Variants in ABCC1 observed in about 807,000 individuals in gnomAD.
ABCC1 encodes the protein ATP binding cassette subfamily C member 1 (ABCC1 blood group).
ABCC1 carries 83 observed loss-of-function variants against 172.9 expected under a neutral mutation model. The ratio of observed to expected loss-of-function variants is 0.48; its 90% CI spans 0.40 to 0.58. ABCC1 has a LOEUF of 0.58. ABCC1 is among the 20% of genes least tolerant of loss of function. The pLI is 0.00. For synonymous variants in ABCC1, 937 were observed against 825.2 expected (o/e 1.14, Z -2.32); for missense variants, 1,817 against 2,002.7 (o/e 0.91, Z 1.77).
At chr16:16,101,758 G>A (rs540148472) in intron 19 of ABCC1, among the ~76,000 whole-genome samples, 1 of 152,298 alleles carries the variant, frequency 6.6e-6, no homozygotes, top group South Asian at 2.1e-4. Flanking sequence ...GATCTGTGTT[G>A]ACACGACACA....
chr16:16,103,579 C>G (rs2051882815), intron 20 of ABCC1, among the ~76,000 whole-genome samples: 1 of 151,860 alleles, frequency 6.6e-6, no homozygotes, highest in Non-Finnish European at 1.5e-5. Context: ...GACTCCATCT[C>G]AAAAAACAAA....
intron 29 of ABCC1, among the ~76,000 whole-genome samples, chr16:16,136,989 C>A (rs1016465465): frequency 6.6e-6 from 1 of 152,156 alleles, no homozygotes; most frequent in African/African-American, 2.4e-5. Flanking sequence ...TGCACTACCC[C>A]AGCTGTCTTG....
At chr16:16,045,395 CAAA>C (rs34870561) in intron 8 of ABCC1, among the ~76,000 whole-genome samples, 3 of 64,702 alleles carry the variant, frequency 4.6e-5, no homozygotes, top group Non-Finnish European at 8.8e-5. Flanking sequence ...GACTTTGTCT[CAAA>C]AAAAAAAAAA....
At chr16:15,961,215 G>A (rs2046123519) in intron 1 of ABCC1, among the ~76,000 whole-genome samples, 1 of 152,140 alleles carries the variant, frequency 6.6e-6, no homozygotes, top group East Asian at 1.9e-4. Flanking sequence ...AACCTTAACT[G>A]AAACGTTTGT....
chr16:16,057,810 C>G (rs1162244715), intron 12 of ABCC1, among the ~76,000 whole-genome samples: 1 of 152,092 alleles, frequency 6.6e-6, no homozygotes, highest in Non-Finnish European at 1.5e-5. Context: ...GGGTCTCGCT[C>G]TGTCCCCCAG....
chr16:16,125,969 G>A, intron 26 of ABCC1, 58 bp downstream of exon 26: 2 of 1,354,792 alleles, frequency 1.5e-6, no homozygotes, highest in Non-Finnish European at 2.1e-6. Flanking sequence ...ACCCCAAGGA[G>A]ATCTCTGGAC....
intron 11 of ABCC1, among the ~76,000 whole-genome samples, chr16:16,054,966 A>G (rs1196142939): frequency 1.3e-5 from 2 of 152,328 alleles, no homozygotes; most frequent in African/African-American, 2.4e-5. Flanking sequence ...ACAGGGGCTC[A>G]TGTCTGTAAT....
intron 17 of ABCC1, among the ~76,000 whole-genome samples, chr16:16,084,658 C>A (rs1280751944): frequency 6.7e-6 from 1 of 148,446 alleles, no homozygotes; most frequent in Non-Finnish European, 1.5e-5. Context: ...TGGAGTCTCT[C>A]TCTGTCGCCC....
chr16:16,113,414 G>C (rs2044709179), intron 22 of ABCC1, among the ~76,000 whole-genome samples: 1 of 152,206 alleles, frequency 6.6e-6, no homozygotes, highest in Non-Finnish European at 1.5e-5. Flanking sequence ...CCAACACTTT[G>C]AGAGGCCAAG....
intron 5 of ABCC1, among the ~76,000 whole-genome samples, chr16:16,021,581 G>C (rs1597129880): frequency 6.6e-6 from 1 of 152,164 alleles, no homozygotes; most frequent in African/African-American, 2.4e-5. Flanking sequence ...GCTGGGCATG[G>C]TGTTGAGCAC....
intron 1 of ABCC1, among the ~76,000 whole-genome samples, chr16:15,956,970 G>A (rs1022068604): frequency 6.6e-6 from 1 of 152,116 alleles, no homozygotes; most frequent in Non-Finnish European, 1.5e-5. Flanking sequence ...GCTTTTGGGC[G>A]GTGTCGAAAC....
chr16:15,975,940 G>A (rs1469245800), intron 1 of ABCC1, among the ~76,000 whole-genome samples: 1 of 152,066 alleles, frequency 6.6e-6, no homozygotes, highest in Non-Finnish European at 1.5e-5. Context: ...GCTTTGGGGG[G>A]AAATGACAGG....
rs151150429 is a variant in ABCC1, at chr16:16,076,158, T to C, written c.1913-168T>C. 6.2e-6 allele frequency: 4 copies of C among 644,356 alleles called. No homozygotes were observed. In the African/African-American group the frequency reaches 7.6e-5, roughly 12 times the overall value. 39.9% of individuals were successfully genotyped at this position (644,356 alleles called of 1,614,324 possible). On this transcript the variant is annotated intron_variant, in intron 14 of 30. Coordinates refer to ENST00000399410, the MANE Select transcript of ABCC1 (RefSeq NM_004996.4). ...CTGGGGCTGCCTCCAGAACTGCAGGTTGAGTTTCTTCTTTCAGAACCCGTG... is the reference window on the plus strand; with the variant it reads ...CTGGGGCTGCCTCCAGAACTGCAGGCTGAGTTTCTTCTTTCAGAACCCGTG...
At chr16:16,118,550 T>C (rs935001550) in intron 23 of ABCC1, among the ~76,000 whole-genome samples, 2 of 150,672 alleles carry the variant, frequency 1.3e-5, no homozygotes, top group African/African-American at 4.9e-5. Flanking sequence ...TGAAGGCAAC[T>C]TAAATGTCTG....
rs772997137 is a variant in ABCC1, at chr16:16,007,919, C to T, written c.152C>T (p.Pro51Leu). ...TGTTTTTACCTCTGGGCCTGTTTCC[C>T]CTTCTACTTCCTCTATCTCTCCCGA... ...VPCFYLWACFPFYFLYLSRHD... is the reference protein window; with the variant it reads ...VPCFYLWACFLFYFLYLSRHD... The change falls in exon 2 of 31, where the codon CCC becomes CTC. Residue 51 changes from proline to leucine, a missense_variant. Around this residue, in one of 3 missense-constraint regions of ABCC1, gnomAD observed 398 missense variants for 384.2 expected, o/e 1.04. Coordinates refer to ENST00000399410, the MANE Select transcript of ABCC1 (RefSeq NM_004996.4). The T allele has an allele frequency of 6.2e-7, 1 of 1,612,664 alleles. No individual in the cohort carries two copies. The highest frequency in any genetic ancestry group is 8.5e-7 in the Non-Finnish European group (1 of 1,179,686).
At chr16:16,130,353 AAG>A (rs1235155374) in intron 26 of ABCC1, among the ~76,000 whole-genome samples, 1 of 152,190 alleles carries the variant, frequency 6.6e-6, no homozygotes, top group African/African-American at 2.4e-5. Context: ...TTTTATCAAA[AAG>A]TAAGTTTTAT....
chr16:16,006,877 C>CGGTGGTGGTGGT (rs1417382268), intron 1 of ABCC1, among the ~76,000 whole-genome samples: 1 of 149,392 alleles, frequency 6.7e-6, no homozygotes, highest in Non-Finnish European at 1.5e-5. Context: ...GTGGCGGTGG[C>CGGTGGTGGTGGT]GGTGATGGTG....
intron 21 of ABCC1, among the ~76,000 whole-genome samples, chr16:16,109,626 C>G (rs993188317): frequency 2.0e-5 from 3 of 152,196 alleles, no homozygotes; most frequent in African/African-American, 7.2e-5. Context: ...TCTCTCATGT[C>G]AGGCGGCTAG....
At chr16:16,040,131 T>G (rs2048920896) in intron 7 of ABCC1, among the ~76,000 whole-genome samples, 2 of 151,934 alleles carry the variant, frequency 1.3e-5, no homozygotes, top group Admixed American at 6.6e-5. Flanking sequence ...GGTCTTGCTC[T>G]GTTGCTCAGG....
Sources: allele counts gnomAD v4.1 joint callset (sites outside exome capture counted in the v4.1 genomes callset), GRCh38; gene constraint gnomAD v4.1.1; regional missense constraint gnomAD v4.1.1; transcripts MANE v1.5; gene names NCBI Gene and HGNC (gene_info 2026-07-23, HGNC 2026-07-21).